The following DNAJC24 variants were observed in gnomAD, a reference collection of about 807,000 sequenced individuals.
DNAJC24 encodes dnaJ homolog subfamily C member 24.
In DNAJC24, 17 loss-of-function variants were observed where a neutral mutation model predicts 18.0. That is an observed-to-expected ratio of 0.94 (90% CI 0.65 to 1.42). The LOEUF (loss-of-function observed/expected upper bound fraction) is 1.42. Ranked by LOEUF, DNAJC24 falls within the 40% of genes most tolerant of loss-of-function variation. DNAJC24 has a pLI of 0.00. For missense variants in DNAJC24, 158 were observed against 175.6 expected (o/e 0.90, Z 0.57); for synonymous variants, 55 against 57.7 (o/e 0.95, Z 0.21).
At chr11:31,376,849 G>C (rs968395848) in intron 2 of DNAJC24, among the ~76,000 whole-genome samples, 1 of 152,058 alleles carries the variant, frequency 6.6e-6, no homozygotes, top group African/African-American at 2.4e-5. Flanking sequence ...AATTTTGAAA[G>C]GATCTAGATT....
At chr11:31,389,071 G>A (rs1240931524) in intron 2 of DNAJC24, among the ~76,000 whole-genome samples, 1 of 151,362 alleles carries the variant, frequency 6.6e-6, no homozygotes, top group Non-Finnish European at 1.5e-5. Context: ...CACCTTCACT[G>A]TAAGGAAGAC....
chr11:31,419,271 T>C (rs528952609), intron 3 of DNAJC24, among the ~76,000 whole-genome samples: 1 of 152,126 alleles, frequency 6.6e-6, no homozygotes, highest in African/African-American at 2.4e-5. Context: ...TCGGGGGGTA[T>C]GTTTTTTTTG....
At chr11:31,394,119 G>A (rs1952523397) in intron 2 of DNAJC24, among the ~76,000 whole-genome samples, 1 of 152,112 alleles carries the variant, frequency 6.6e-6, no homozygotes, top group African/African-American at 2.4e-5. Flanking sequence ...TTCCCCATAA[G>A]GCACATCATG....
chr11:31,409,685 G>A (rs1952688099), intron 2 of DNAJC24, among the ~76,000 whole-genome samples: 1 of 152,066 alleles, frequency 6.6e-6, no homozygotes, highest in African/African-American at 2.4e-5. Context: ...GTTTTAGTAA[G>A]ACTGTTATGA....
chr11:31,372,743 A>AT (rs1368088783), intron 2 of DNAJC24, among the ~76,000 whole-genome samples: 3 of 136,006 alleles, frequency 2.2e-5, no homozygotes, highest in African/African-American at 7.4e-5. Flanking sequence ...ATTTGATGTT[A>AT]TTGGTCTCTT....
chr11:31,401,644 T>C (rs1201767288), intron 2 of DNAJC24, among the ~76,000 whole-genome samples: 1 of 151,878 alleles, frequency 6.6e-6, no homozygotes, highest in South Asian at 2.1e-4. Context: ...AGTGGTAGAG[T>C]GATATTTAGC....
rs193266031 is a variant in DNAJC24, at chr11:31,400,346, A to T, written c.112-14465A>T. Among the ~76,000 whole-genome samples, 7 of 152,266 alleles carry T rather than the reference A, an allele frequency of 4.6e-5. No individual in the cohort carries two copies. In the East Asian group the frequency reaches 1.2e-3, roughly 25 times the overall value. ...GAGGAATCGCCACACTGTCTTCCAC[A>T]ATGGTTATTCGCAGAATTAGAAAAA... On this transcript the variant is annotated intron_variant, in intron 2 of 4. Coordinates refer to ENST00000465995, the MANE Select transcript of DNAJC24 (RefSeq NM_181706.5).
chr11:31,403,746 G>A (rs972544654), intron 2 of DNAJC24, among the ~76,000 whole-genome samples: 3 of 152,132 alleles, frequency 2.0e-5, no homozygotes, highest in African/African-American at 4.8e-5. Flanking sequence ...ACTCAGGGCC[G>A]TATATTAAGA....
intron 4 of DNAJC24, among the ~76,000 whole-genome samples, chr11:31,428,264 C>T (rs2133508789): frequency 6.6e-6 from 1 of 152,174 alleles, no homozygotes; most frequent in Middle Eastern, 3.4e-3. Flanking sequence ...ATAGCCAATA[C>T]AGTTAATCTT....
At chr11:31,406,152 C>T (rs1020811866) in intron 2 of DNAJC24, among the ~76,000 whole-genome samples, 1 of 151,972 alleles carries the variant, frequency 6.6e-6, no homozygotes, top group Non-Finnish European at 1.5e-5. Flanking sequence ...GTGTTTGTTT[C>T]CTCTATATCT....
At chr11:31,377,854 C>T (rs1281260180) in intron 2 of DNAJC24, among the ~76,000 whole-genome samples, 5 of 151,948 alleles carry the variant, frequency 3.3e-5, no homozygotes, top group Non-Finnish European at 2.9e-5. Context: ...GTTCTATAAT[C>T]TTGAAGAAAA....
chr11:31,378,490 A>G (rs367598604), intron 2 of DNAJC24, among the ~76,000 whole-genome samples: 2 of 152,190 alleles, frequency 1.3e-5, no homozygotes, highest in South Asian at 2.1e-4. Context: ...GAATTATTCA[A>G]CTCTGCAAAG....
At chr11:31,372,410 G>A (rs566866232) in intron 2 of DNAJC24, among the ~76,000 whole-genome samples, 2 of 134,950 alleles carry the variant, frequency 1.5e-5, no homozygotes, top group African/African-American at 5.0e-5. Flanking sequence ...CTTACTTTAG[G>A]TAGTATGTTG....
At chr11:31,428,413 A>G (rs1952886357) in intron 4 of DNAJC24, among the ~76,000 whole-genome samples, 1 of 152,194 alleles carries the variant, frequency 6.6e-6, no homozygotes, top group African/African-American at 2.4e-5. Context: ...CGAATCATGG[A>G]AGTTTTGAGC....
intron 2 of DNAJC24, among the ~76,000 whole-genome samples, chr11:31,407,698 A>ATATATAT (rs1487781994): frequency 3.5e-5 from 4 of 113,884 alleles, no homozygotes; most frequent in Non-Finnish European, 7.3e-5. Context: ...AAAAAAAAAA[A>ATATATAT]AAAAAAAAAT....
At chr11:31,414,142 G>T (rs987184820) in intron 2 of DNAJC24, among the ~76,000 whole-genome samples, 3 of 152,132 alleles carry the variant, frequency 2.0e-5, no homozygotes, top group African/African-American at 7.2e-5. Flanking sequence ...AAAATTTTTA[G>T]ACTTTTTAGA....
intron 2 of DNAJC24, among the ~76,000 whole-genome samples, chr11:31,372,780 A>G (rs1206368844): frequency 7.4e-6 from 1 of 135,678 alleles, no homozygotes; most frequent in African/African-American, 2.5e-5. Context: ...AGTTTTTGCA[A>G]TTTTGCCACC....
At chr11:31,426,889 A>T (rs1952867686) in intron 4 of DNAJC24, 1 of 151,472 alleles carries the variant, frequency 6.6e-6, no homozygotes, top group South Asian at 2.1e-4. Context: ...CCTTGATGCA[A>T]CATGAAGTCA....
intron 2 of DNAJC24, among the ~76,000 whole-genome samples, chr11:31,380,379 A>G (rs1474752055): frequency 6.6e-6 from 1 of 152,184 alleles, no homozygotes; most frequent in Non-Finnish European, 1.5e-5. Context: ...TATTAAGCAA[A>G]CATTAACATG....
Sources: gnomAD v4.1 joint callset for allele counts (sites outside exome capture counted in the v4.1 genomes callset) on GRCh38, gnomAD v4.1.1 for gene constraint, MANE v1.5 for transcripts, NCBI Gene and HGNC (gene_info 2026-07-23, HGNC 2026-07-21) for gene names.